The following RALYL variants were observed in gnomAD, a reference collection of about 807,000 sequenced individuals.
RALYL encodes the protein RNA-binding Raly-like protein.
RALYL carries 29 observed loss-of-function variants against 35.1 expected under a neutral mutation model. The observed-to-expected ratio is 0.83, with a 90% CI of 0.61 to 1.13. The LOEUF (loss-of-function observed/expected upper bound fraction) is 1.13. Among genes scored for constraint, RALYL ranks in the 50% most tolerant of loss-of-function variants. The pLI is 0.00. For synonymous variants in RALYL, 120 were observed against 127.6 expected (o/e 0.94, Z 0.40); for missense variants, 359 against 360.4 (o/e 1.00, Z 0.03).
chr8:84,675,589 C>A (rs1834034877), intron 2 of RALYL, among the ~76,000 whole-genome samples: 1 of 152,100 alleles, frequency 6.6e-6, no homozygotes, highest in South Asian at 2.1e-4. Context: ...TGATGATTTT[C>A]ATGCTCATAC....
chr8:84,744,486 T>A (rs977375905), intron 2 of RALYL, among the ~76,000 whole-genome samples: 1 of 151,996 alleles, frequency 6.6e-6, no homozygotes, highest in Non-Finnish European at 1.5e-5. Context: ...ACAAAGAAAT[T>A]TGGAGTAGCC....
chr8:84,352,844 T>C (rs1851169201), intron 1 of RALYL, among the ~76,000 whole-genome samples: 1 of 150,202 alleles, frequency 6.7e-6, no homozygotes, highest in Non-Finnish European at 1.5e-5. Context: ...GACCTAGCAT[T>C]TGAACATTGA....
At chr8:84,507,510 G>A (rs1442406687) in intron 1 of RALYL, among the ~76,000 whole-genome samples, 1 of 152,084 alleles carries the variant, frequency 6.6e-6, no homozygotes, top group Non-Finnish European at 1.5e-5. Flanking sequence ...TTGCAATTAG[G>A]AGGAAATAAA....
At chr8:84,589,643 C>A (rs188718770) in intron 2 of RALYL, among the ~76,000 whole-genome samples, 118 of 152,242 alleles carry the variant, frequency 7.8e-4, no homozygotes, top group Non-Finnish European at 1.4e-3. Flanking sequence ...TATCTTAATT[C>A]ATAGCTAAAG....
chr8:84,292,983 C>A (rs564965208), intron 1 of RALYL, among the ~76,000 whole-genome samples: 1 of 152,240 alleles, frequency 6.6e-6, no homozygotes, highest in South Asian at 2.1e-4. Flanking sequence ...TTCTTACTTT[C>A]CACATCATGC....
At chr8:84,454,844 G>C (rs369251436) in intron 1 of RALYL, among the ~76,000 whole-genome samples, 8 of 152,080 alleles carry the variant, frequency 5.3e-5, no homozygotes, top group African/African-American at 1.9e-4. Flanking sequence ...GTGGGAGGAG[G>C]TACTCAGGAA....
chr8:84,533,266 G>A (rs2059387456), intron 2 of RALYL, among the ~76,000 whole-genome samples: 1 of 152,042 alleles, frequency 6.6e-6, no homozygotes, highest in Non-Finnish European at 1.5e-5. Flanking sequence ...TTCAATCTAA[G>A]TGTAGTCATT....
At chr8:84,552,358 ATTTTTTTTTTTTTTTTTT>A (rs1167949176) in intron 2 of RALYL, among the ~76,000 whole-genome samples, 1 of 30,614 alleles carries the variant, frequency 3.3e-5, no homozygotes, top group Admixed American at 5.5e-4. Flanking sequence ...ATATATATAT[ATTTTTTTTTTTTTTTTTT>A]TTTTTTTTTT....
chr8:84,815,776 C>A (rs952794417), intron 4 of RALYL, among the ~76,000 whole-genome samples: 2 of 151,792 alleles, frequency 1.3e-5, no homozygotes, highest in Non-Finnish European at 2.9e-5. Context: ...GTGGCTCATG[C>A]CTGGAATCCC....
At chr8:84,673,025 T>A (rs1368063177) in intron 2 of RALYL, among the ~76,000 whole-genome samples, 1 of 152,208 alleles carries the variant, frequency 6.6e-6, no homozygotes, top group East Asian at 1.9e-4. Context: ...CTCCACAACC[T>A]TGCCAGCATT....
At chr8:84,675,255 A>G (rs1023045240) in intron 2 of RALYL, among the ~76,000 whole-genome samples, 1 of 152,182 alleles carries the variant, frequency 6.6e-6, no homozygotes, top group Non-Finnish European at 1.5e-5. Context: ...TCCTTAAATT[A>G]CAATGTAACT....
At chr8:84,577,414 G>A (rs1248160322) in intron 2 of RALYL, among the ~76,000 whole-genome samples, 1 of 152,176 alleles carries the variant, frequency 6.6e-6, no homozygotes, top group Non-Finnish European at 1.5e-5. Context: ...AGAAAAGACT[G>A]TGTTTGCTGG....
intron 2 of RALYL, among the ~76,000 whole-genome samples, chr8:84,739,890 G>A (rs1370917592): frequency 2.0e-5 from 3 of 151,836 alleles, no homozygotes; most frequent in African/African-American, 7.2e-5. Context: ...ATAAGAATTG[G>A]AGTCACTATA....
intron 1 of RALYL, among the ~76,000 whole-genome samples, chr8:84,279,459 G>T (rs553045538): frequency 6.6e-6 from 1 of 152,176 alleles, no homozygotes; most frequent in Non-Finnish European, 1.5e-5. Flanking sequence ...TCAGGTAGAG[G>T]TAAGTGTTAT....
intron 4 of RALYL, among the ~76,000 whole-genome samples, chr8:84,829,777 G>A (rs1830489023): frequency 6.6e-6 from 1 of 152,058 alleles, no homozygotes; most frequent in Admixed American, 6.6e-5. Context: ...CGGAAATAGA[G>A]GGCTAGATCC....
intron 1 of RALYL, among the ~76,000 whole-genome samples, chr8:84,338,009 A>T (rs962297679): frequency 1.1e-4 from 17 of 152,022 alleles, no homozygotes; most frequent in Non-Finnish European, 2.1e-4. Context: ...AGGAAAAACT[A>T]AGACTGTACA....
intron 3 of RALYL, among the ~76,000 whole-genome samples, chr8:84,778,186 T>G (rs1303103952): frequency 6.6e-6 from 1 of 152,214 alleles, no homozygotes; most frequent in Non-Finnish European, 1.5e-5. Flanking sequence ...TAAACTGCTA[T>G]GTCTCTATAA....
chr8:84,864,671 CAG>C (rs1261706007), intron 6 of RALYL: 1 of 416,046 alleles, frequency 2.4e-6, no homozygotes, highest in Non-Finnish European at 4.6e-6. Context: ...GGGATTACTG[CAG>C]AGAGACAGGC....
chr8:84,242,638 G>T (rs971618491), intron 1 of RALYL, among the ~76,000 whole-genome samples: 1 of 152,162 alleles, frequency 6.6e-6, no homozygotes, highest in Admixed American at 6.5e-5. Context: ...GTCTTCTTTT[G>T]AGAAGTATCT....
Sources: allele counts gnomAD v4.1 joint callset (sites outside exome capture counted in the v4.1 genomes callset), GRCh38; gene constraint gnomAD v4.1.1; transcripts MANE v1.5; gene names NCBI Gene and HGNC (gene_info 2026-07-23, HGNC 2026-07-21).